The following G6PC1 variants were observed in gnomAD, a reference collection of about 807,000 sequenced individuals.
The protein encoded by G6PC1 is G-6-Pase.
Under a neutral mutation model 30.4 loss-of-function variants are expected in G6PC1, and 23 were observed. The observed-to-expected ratio is 0.76, with a 90% CI of 0.55 to 1.07. The LOEUF (loss-of-function observed/expected upper bound fraction) is 1.07, where lower values mean the gene tolerates loss of function less well. Among genes scored for constraint, G6PC1 ranks in the 50% least tolerant of loss-of-function variants. The pLI, the probability that G6PC1 is intolerant of heterozygous loss-of-function variation, is 0.00. For synonymous variants in G6PC1, 163 were observed against 175.6 expected (o/e 0.93, Z 0.57); for missense variants, 391 against 433.9 (o/e 0.90, Z 0.88).
chr17:42,904,100 G>T, intron 2 of G6PC1, 60 bp downstream of exon 2: 2 of 1,123,816 alleles, frequency 1.8e-6, no homozygotes, highest in South Asian at 2.5e-5. Flanking sequence ...TGTTATGGAT[G>T]AAACTGACCT....
At chr17:42,907,380 T>G (rs1403481176) in intron 2 of G6PC1, 143 bp from the exon 3 acceptor site, 1 of 648,530 alleles carries the variant, frequency 1.5e-6, no homozygotes, top group Non-Finnish European at 2.8e-6. Context: ...GGATGGGGGG[T>G]GAACGGATGG....
intron 1 of G6PC1, among the ~76,000 whole-genome samples, chr17:42,902,250 CTTTT>C (rs1190824081): frequency 5.9e-5 from 9 of 152,066 alleles, no homozygotes; most frequent in South Asian, 2.1e-4. Context: ...TTCTTTCTTT[CTTTT>C]GTTTGTTTGT....
In G6PC1 at chr17:42,911,463, A is replaced by T. The variant is rs758232327; in HGVS notation, c.*37A>T. The T allele has an allele frequency of 2.5e-6, 4 of 1,613,718 alleles. No homozygotes were observed. The Admixed American group carries it at 6.7e-5, about 27-fold the overall frequency. ...TCTTCGGTGTTTAAAGTCAACAACC[A>T]TGCCAGGGATTGAGGAGGACTACTA... On this transcript the variant is annotated 3_prime_UTR_variant, in exon 5 of 5. Transcript: ENST00000253801.
At position 42,907,644 on chromosome 17, in the gene G6PC1, T is replaced by A; in HGVS notation, c.446+16T>A. 2 of 1,556,468 alleles carry A rather than the reference T, an allele frequency of 1.3e-6. No individual in the cohort carries two copies. The highest frequency in any genetic ancestry group is 4.5e-5 in the East Asian group (2 of 44,598). On this transcript the variant is annotated intron_variant, in intron 3 of 4. Coordinates refer to ENST00000253801, the MANE Select transcript of G6PC1 (RefSeq NM_000151.4). ...ACAGATTTCGGTAAGAACTCACCAC[T>A]GGGGTGTAGGTGGTGGAGGGCAGGA...
At chr17:42,902,233 ACTTTCTTT>A (rs760077217) in intron 1 of G6PC1, among the ~76,000 whole-genome samples, 1 of 152,022 alleles carries the variant, frequency 6.6e-6, no homozygotes, top group African/African-American at 2.4e-5. Flanking sequence ...CATTCTGGCC[ACTTTCTTT>A]CTTTCTTTCT....
chr17:42,902,233 ACTTT>A (rs760077217), intron 1 of G6PC1, among the ~76,000 whole-genome samples: 13 of 152,022 alleles, frequency 8.6e-5, no homozygotes, highest in Non-Finnish European at 1.5e-4. Flanking sequence ...CATTCTGGCC[ACTTT>A]CTTTCTTTCT....
chr17:42,900,826 A>ATAAC lies in G6PC1; in HGVS notation c.-49_-46dup. ...CAGAGCAATCACCACCAAGCCTGGAATAACTGCAAGGGCTCTGCTGACATC... is the reference window on the plus strand; with the variant it reads ...CAGAGCAATCACCACCAAGCCTGGAATAACTAACTGCAAGGGCTCTGCTGACATC... On this transcript the variant is annotated 5_prime_UTR_variant, in exon 1 of 5. Transcript: ENST00000253801. 6.8e-7 allele frequency: 1 copy of ATAAC among 1,478,712 alleles called. No individual in the cohort carries two copies. Among genetic ancestry groups the ATAAC allele is most frequent in the Non-Finnish European group, 9.4e-7 (1 of 1,059,716 alleles). The allele number at this position is 1,478,712 out of a possible 1,614,324, so 91.6% of individuals were successfully genotyped here. A position where few individuals can be genotyped will look rare whatever the true frequency, so the allele number is the denominator to read the frequency against.
rs161622 is a variant in G6PC1, at chr17:42,909,472, T to C, written c.562+54T>C. ...TCCCCCAAACCCCATTCCGTTTCTC[T>C]CCCTAATCAGGACAAAATCCCAGCA... On this transcript the variant is annotated intron_variant, in intron 4 of 4. Coordinates refer to ENST00000253801, the MANE Select transcript of G6PC1 (RefSeq NM_000151.4). The C allele has an allele frequency of 0.089, 117,268 of 1,318,132 alleles. 7,326 individuals carry two copies. The highest frequency in any genetic ancestry group is 0.25 in the African/African-American group (17,370 of 68,830). 81.7% of individuals were successfully genotyped at this position (1,318,132 alleles called of 1,614,324 possible).
In G6PC1 at chr17:42,914,179, C is replaced by T. The variant is rs1050754287; in HGVS notation, c.*2753C>T. Among the ~76,000 whole-genome samples, 1 of 151,910 alleles carries T rather than the reference C, an allele frequency of 6.6e-6. No individual in the cohort carries two copies. The highest frequency in any genetic ancestry group is 2.4e-5 in the African/African-American group (1 of 41,328). On this transcript the variant is annotated 3_prime_UTR_variant, in exon 5 of 5. Coordinates refer to ENST00000253801, the MANE Select transcript of G6PC1 (RefSeq NM_000151.4). ...TGAACTCCTGGGTTCAAGTGATCCT[C>T]CTGCCTCAGCCTCCCAAAGTGCTGG...
At chr17:42,902,544 C>A (rs988636032) in intron 1 of G6PC1, among the ~76,000 whole-genome samples, 1 of 152,110 alleles carries the variant, frequency 6.6e-6, no homozygotes, top group Admixed American at 6.6e-5. Flanking sequence ...CCACTACACC[C>A]AGCCGCATGA....
rs1439311043 is a variant in G6PC1 at position 42,907,580 on chromosome 17, C to T, written c.398C>T (p.Ser133Phe). Residue 133 changes from serine (S) to phenylalanine (F), a missense_variant, in exon 3 of 5, where the codon TCT (serine) becomes TTT (phenylalanine). Transcript: ENST00000253801. ...TAGVYYVMVT[S>F]TLSIFQGKIK... Reference sequence around the variant, plus strand: ...GGTGTATACTACGTGATGGTCACATCTACTCTTTCCATCTTTCAGGGAAAG... The same window carrying T: ...GGTGTATACTACGTGATGGTCACATTTACTCTTTCCATCTTTCAGGGAAAG... The T allele has an allele frequency of 6.2e-7, 1 of 1,613,808 alleles. No homozygotes were observed. The highest frequency in any genetic ancestry group is 8.5e-7 in the Non-Finnish European group (1 of 1,179,872).
chr17:42,901,069 G>T lies in G6PC1; in HGVS notation c.193G>T (p.Ala65Ser), dbSNP rs369472089. The change falls in exon 1 of 5, where the codon GCT (alanine) becomes TCT (serine). Residue 65 changes from alanine to serine, a missense_variant. Transcript: ENST00000253801. ...EAVGIKLLWV[A>S]VIGDWLNLVF... is the part of the protein sequence containing the mutation. ...TGTGGGCATTAAACTCCTTTGGGTA[G>T]CTGTGATTGGAGACTGGCTCAACCT... The T allele has an allele frequency of 4.4e-5, 71 of 1,614,076 alleles. No individual in the cohort carries two copies. Among genetic ancestry groups the T allele is most frequent in the Non-Finnish European group, 5.9e-5 (70 of 1,180,044 alleles).
At chr17:42,903,871 TA>T (rs1860672828) in intron 1 of G6PC1, 59 bp from the exon 2 acceptor site, 34 of 1,111,448 alleles carry the variant, frequency 3.1e-5, no homozygotes, top group Non-Finnish European at 4.6e-5. Flanking sequence ...CTTGAAGGTG[TA>T]GGCTTTGGGC....
Position 42,909,417 on chromosome 17 carries a change from A to T in G6PC1, c.561A>T (p.Ser187=). 1 of 1,609,272 alleles carries T rather than the reference A, an allele frequency of 6.2e-7. No homozygotes were observed. Among genetic ancestry groups the T allele is most frequent in the Non-Finnish European group, 8.5e-7 (1 of 1,175,588 alleles). Reference sequence around the variant, plus strand: ...ATCAAGTTGTTGCTGGAGTCCTGTCAGGTATGGGCTGATCTGACTCCCTTC... The same window carrying T: ...ATCAAGTTGTTGCTGGAGTCCTGTCTGGTATGGGCTGATCTGACTCCCTTC... ...FPHQVVAGVL[S]GIAVAETFSH... Residue 187 remains serine, a splice_region_variant and synonymous_variant, in exon 4 of 5, where the codon TCA becomes TCT. Transcript: ENST00000253801.
chr17:42,901,077 T>C lies in G6PC1; in HGVS notation c.201T>C (p.Ile67=). ...TTAAACTCCTTTGGGTAGCTGTGAT[T>C]GGAGACTGGCTCAACCTCGTCTTTA... is the stretch of plus-strand genomic sequence containing the variant. ...VGIKLLWVAV[I]GDWLNLVFKW... Residue 67 remains isoleucine, a synonymous_variant, in exon 1 of 5, where the codon ATT becomes ATC. Coordinates refer to ENST00000253801, the MANE Select transcript of G6PC1 (RefSeq NM_000151.4). 6.2e-7 allele frequency: 1 copy of C among 1,614,210 alleles called. No homozygotes were observed. The highest frequency in any genetic ancestry group is 8.5e-7 in the Non-Finnish European group (1 of 1,180,008).
intron 4 of G6PC1, 97 bp from the exon 5 acceptor site, chr17:42,910,818 G>A (rs942495362): frequency 1.7e-6 from 2 of 1,177,116 alleles, no homozygotes; most frequent in East Asian, 2.3e-5. Context: ...TTCCACAGTC[G>A]CAGAACGGAT....
In G6PC1 at chr17:42,903,915, T is replaced by A; in HGVS notation, c.231-16T>A. On this transcript the variant is annotated splice_polypyrimidine_tract_variant and intron_variant, in intron 1 of 4. Coordinates refer to ENST00000253801, the MANE Select transcript of G6PC1 (RefSeq NM_000151.4). ...TTCATTCAGTAACCCCAGAAACTTG[T>A]TCTGTTTTTCCATAGGATTCTCTTT... 3.8e-6 allele frequency: 6 copies of A among 1,559,148 alleles called. No homozygotes were observed. The highest frequency in any genetic ancestry group is 5.3e-6 in the Non-Finnish European group (6 of 1,129,970).
chr17:42,913,156 C>T lies in G6PC1; in HGVS notation c.*1730C>T, dbSNP rs1171719517. 2.0e-5 allele frequency: 3 copies of T among 152,082 alleles called. No homozygotes were observed. The highest frequency in any genetic ancestry group is 4.4e-5 in the Non-Finnish European group (3 of 68,022). 9.4% of individuals were successfully genotyped at this position (152,082 alleles called of 1,614,324 possible). A position where few individuals can be genotyped will look rare whatever the true frequency, so the allele number is the denominator to read the frequency against. On this transcript the variant is annotated 3_prime_UTR_variant, in exon 5 of 5. Coordinates refer to ENST00000253801, the MANE Select transcript of G6PC1 (RefSeq NM_000151.4). ...ATATGCAGAGTATTTCTGCCCCACC[C>T]ACCTACCCCCCAAAAAAAGCTGAAG...
At chr17:42,903,084 T>C (rs903623952) in intron 1 of G6PC1, among the ~76,000 whole-genome samples, 10 of 150,324 alleles carry the variant, frequency 6.7e-5, no homozygotes, top group Non-Finnish European at 1.2e-4. Context: ...TTCAGGATTT[T>C]TTTTTTTTTT....
Sources: gnomAD v4.1 joint callset for allele counts (sites outside exome capture counted in the v4.1 genomes callset) on GRCh38, gnomAD v4.1.1 for gene constraint, MANE v1.5 for transcripts, NCBI Gene and HGNC (gene_info 2026-07-23, HGNC 2026-07-21) for gene names.